CFAP299: variants seen among roughly 807,000 people sequenced by gnomAD.
CFAP299 encodes cilia and flagella associated protein 299, also known as cilia- and flagella-associated protein 299.
CFAP299 carries 21 observed loss-of-function variants against 27.0 expected under a neutral mutation model. The observed-to-expected ratio is 0.78, with a 90% CI of 0.55 to 1.12. The LOEUF is 1.12. CFAP299 is among the 50% of genes most tolerant of loss of function. The pLI is 0.00. For missense variants in CFAP299, 310 were observed against 276.6 expected (o/e 1.12, Z -0.86); for synonymous variants, 104 against 98.1 (o/e 1.06, Z -0.36).
chr4:80,504,682 G>A (rs934254573), intron 2 of CFAP299, among the ~76,000 whole-genome samples: 1 of 146,868 alleles, frequency 6.8e-6, no homozygotes, highest in East Asian at 2.0e-4. Flanking sequence ...CAAGAATGGG[G>A]GATTAAAAAA....
chr4:80,560,979 C>T (rs1735012349), intron 2 of CFAP299, among the ~76,000 whole-genome samples: 1 of 152,090 alleles, frequency 6.6e-6, no homozygotes, highest in Non-Finnish European at 1.5e-5. Context: ...TAGGCTTAGC[C>T]AGAGAGTGGT....
chr4:80,841,219 G>A (rs1364271190), intron 3 of CFAP299, among the ~76,000 whole-genome samples: 4 of 152,044 alleles, frequency 2.6e-5, no homozygotes, highest in African/African-American at 9.7e-5. Context: ...GGGCATCATC[G>A]TTCACTGAGG....
intron 2 of CFAP299, among the ~76,000 whole-genome samples, chr4:80,447,293 G>A (rs1728686233): frequency 6.7e-6 from 1 of 148,690 alleles, no homozygotes; most frequent in African/African-American, 2.5e-5. Context: ...CCGCCACTAC[G>A]CCCGGCTAAT....
At position 80,356,154 on chromosome 4, in the gene CFAP299, T is replaced by C. The variant is rs112739692; in HGVS notation, c.112-6600T>C. 1.1e-3 allele frequency among the ~76,000 whole-genome samples: 163 copies of C among 152,128 alleles called. 3 individuals carry two copies. The highest frequency in any genetic ancestry group is 3.7e-3 in the African/African-American group (153 of 41,516). ...ATCAAAGATTAGATGGTTGTAGACA[T>C]GTGGCTTTATTTCTGAGTTCTCCAT... On this transcript the variant is annotated intron_variant, in intron 1 of 5. Coordinates refer to ENST00000358105, the MANE Select transcript of CFAP299 (RefSeq NM_152770.3).
intron 4 of CFAP299, among the ~76,000 whole-genome samples, chr4:80,884,461 A>G (rs1190288562): frequency 6.6e-6 from 1 of 152,198 alleles, no homozygotes; most frequent in African/African-American, 2.4e-5. Context: ...GTCTTTAGAC[A>G]CATTTAAATG....
At chr4:80,660,935 A>T (rs1740810680) in intron 3 of CFAP299, among the ~76,000 whole-genome samples, 1 of 152,192 alleles carries the variant, frequency 6.6e-6, no homozygotes, top group African/African-American at 2.4e-5. Context: ...CAGATACAAC[A>T]AAAGACCAAA....
rs527477409 is a variant in CFAP299, at chr4:80,338,159, T to A, written c.111+2280T>A. ...ACTTTGATTTGAATGGAACAACTTT[T>A]AAAACATTTTATTTTAACTAACAAA... On this transcript the variant is annotated intron_variant, in intron 1 of 5. Transcript: ENST00000358105. Among the ~76,000 whole-genome samples the A allele has an allele frequency of 9.2e-5, 14 of 152,326 alleles. No homozygotes were observed. In the East Asian group the frequency reaches 1.7e-3, roughly 19 times the overall value.
intron 3 of CFAP299, among the ~76,000 whole-genome samples, chr4:80,852,073 CTATT>C (rs1731557684): frequency 6.6e-6 from 1 of 152,144 alleles, no homozygotes. Flanking sequence ...ACCTATATAA[CTATT>C]TAATTATTAA....
chr4:80,476,678 T>C (rs1033594801), intron 2 of CFAP299, among the ~76,000 whole-genome samples: 6 of 152,160 alleles, frequency 3.9e-5, no homozygotes, highest in Non-Finnish European at 7.4e-5. Context: ...TTCTTCATCA[T>C]TATTTGTGTC....
chr4:80,563,608 A>G (rs776362992), intron 2 of CFAP299, among the ~76,000 whole-genome samples: 2 of 152,058 alleles, frequency 1.3e-5, no homozygotes, highest in Non-Finnish European at 2.9e-5. Context: ...GAAAACTTCA[A>G]ATGAACAATC....
At chr4:80,615,068 A>T in intron 3 of CFAP299, among the ~76,000 whole-genome samples, 1 of 152,310 alleles carries the variant, frequency 6.6e-6, no homozygotes, top group Non-Finnish European at 1.5e-5. Flanking sequence ...TTCATATTTT[A>T]ATGATGTATT....
chr4:80,796,991 T>C (rs1727901724), intron 3 of CFAP299, among the ~76,000 whole-genome samples: 1 of 152,160 alleles, frequency 6.6e-6, no homozygotes. Flanking sequence ...CCACTGGACC[T>C]ACTGTAAGTT....
chr4:80,562,664 A>AATAATG (rs1246557184), intron 2 of CFAP299, among the ~76,000 whole-genome samples: 2 of 135,246 alleles, frequency 1.5e-5, no homozygotes, highest in East Asian at 4.2e-4. Context: ...TTTCAATAAT[A>AATAATG]ATAATAATAA....
intron 4 of CFAP299, among the ~76,000 whole-genome samples, chr4:80,890,348 A>G (rs1225633819): frequency 6.6e-6 from 1 of 152,170 alleles, no homozygotes; most frequent in African/African-American, 2.4e-5. Flanking sequence ...ACAATCTAAA[A>G]AAGAAATAAA....
At chr4:80,395,171 G>A (rs1270372721) in intron 2 of CFAP299, among the ~76,000 whole-genome samples, 2 of 151,704 alleles carry the variant, frequency 1.3e-5, no homozygotes, top group Admixed American at 6.6e-5. Flanking sequence ...TTATTTTCAT[G>A]CTATTGTAAT....
intron 2 of CFAP299, among the ~76,000 whole-genome samples, chr4:80,454,376 G>T (rs1032175114): frequency 1.3e-5 from 2 of 152,162 alleles, no homozygotes; most frequent in Admixed American, 1.3e-4. Flanking sequence ...CAAAATATTG[G>T]AAGGTTCATG....
chr4:80,800,166 C>T (rs1329452351), intron 3 of CFAP299, among the ~76,000 whole-genome samples: 1 of 44,984 alleles, frequency 2.2e-5, no homozygotes, highest in Non-Finnish European at 3.3e-5. Flanking sequence ...ATATATAATA[C>T]ATATAATATA....
chr4:80,963,551 TCC>T lies in CFAP299; in HGVS notation c.642_643del (p.Leu215AspfsTer11). 2 of 1,608,884 alleles carry T rather than the reference TCC, an allele frequency of 1.2e-6. No homozygotes were observed. The highest frequency in any genetic ancestry group is 1.7e-6 in the Non-Finnish European group (2 of 1,177,138). ...GGTGACAACTCTACTAGAATCACTA[TCC>T]TGACAGAACTCTACGTACAAGCTGT... On this transcript the variant is annotated frameshift_variant, in exon 6 of 6. Transcript: ENST00000358105. LOFTEE classifies it high-confidence loss of function.
rs868592463 is a variant in CFAP299 at position 80,800,134 on chromosome 4, A to C, written c.334-69859A>C. Among the ~76,000 whole-genome samples, 259 of 72,802 alleles carry C rather than the reference A, an allele frequency of 3.6e-3. 2 individuals are homozygous for C. Among genetic ancestry groups the C allele is most frequent in the African/African-American group, 0.014 (251 of 17,524 alleles). 47.8% of individuals were successfully genotyped at this position (72,802 alleles called of 152,430 possible). On this transcript the variant is annotated intron_variant, in intron 3 of 5. Transcript: ENST00000358105. ...ATATATAAGATATTAATATAAATAT[A>C]TTATATAAATATATTTATATAATAT...
Sources: gnomAD v4.1 joint callset for allele counts (sites outside exome capture counted in the v4.1 genomes callset) on GRCh38, gnomAD v4.1.1 for gene constraint, MANE v1.5 for transcripts, NCBI Gene and HGNC (gene_info 2026-07-23, HGNC 2026-07-21) for gene names.